Variants in TMTC2 observed in about 807,000 individuals in gnomAD.
TMTC2 encodes the protein protein O-mannosyl-transferase TMTC2.
Under a neutral mutation model 82.4 loss-of-function variants are expected in TMTC2, and 43 were observed. The ratio of observed to expected loss-of-function variants is 0.52; its 90% confidence interval spans 0.41 to 0.67. The LOEUF is 0.67. Among genes scored for constraint, TMTC2 ranks in the 30% least tolerant of loss-of-function variants. The pLI, the probability that TMTC2 is intolerant of heterozygous loss-of-function variation, is 0.00. For synonymous variants in TMTC2, 408 were observed against 381.9 expected (o/e 1.07, Z -0.80); for missense variants, 919 against 1,012.4 (o/e 0.91, Z 1.25).
chr12:82,830,942 C>T (rs1869713680), intron 1 of TMTC2, among the ~76,000 whole-genome samples: 2 of 151,954 alleles, frequency 1.3e-5, no homozygotes, highest in Admixed American at 1.3e-4. Flanking sequence ...GTAGATAGTC[C>T]ATATCAACTT....
At chr12:82,888,094 AAAT>A (rs1172526404) in intron 2 of TMTC2, among the ~76,000 whole-genome samples, 1 of 152,132 alleles carries the variant, frequency 6.6e-6, no homozygotes, top group Non-Finnish European at 1.5e-5. Flanking sequence ...AAATAAAATA[AAAT>A]AATAAAATAA....
intron 4 of TMTC2, among the ~76,000 whole-genome samples, chr12:82,943,723 G>A (rs1332817376): frequency 6.6e-6 from 1 of 152,094 alleles, no homozygotes; most frequent in African/African-American, 2.4e-5. Flanking sequence ...TATGTCTTTT[G>A]AGTATATTTA....
At chr12:82,860,956 G>C (rs960694651) in intron 2 of TMTC2, among the ~76,000 whole-genome samples, 4 of 152,158 alleles carry the variant, frequency 2.6e-5, no homozygotes, top group Non-Finnish European at 5.9e-5. Flanking sequence ...CCTGGGGTGA[G>C]TTAGAGGAGA....
At chr12:83,070,038 G>C (rs1488212561) in intron 11 of TMTC2, among the ~76,000 whole-genome samples, 1 of 152,078 alleles carries the variant, frequency 6.6e-6, no homozygotes, top group East Asian at 1.9e-4. Context: ...TGTTCCATTG[G>C]TGTGTGTGCC....
chr12:82,858,563 T>C (rs1279748996), intron 2 of TMTC2, among the ~76,000 whole-genome samples: 1 of 152,236 alleles, frequency 6.6e-6, no homozygotes, highest in Non-Finnish European at 1.5e-5. Flanking sequence ...CACCATCGAT[T>C]TCTAATTTTA....
intron 9 of TMTC2, among the ~76,000 whole-genome samples, chr12:83,047,843 T>G (rs1882199895): frequency 6.6e-6 from 1 of 152,224 alleles, no homozygotes; most frequent in Non-Finnish European, 1.5e-5. Context: ...TTAATTTGAT[T>G]TTACAAAATT....
intron 1 of TMTC2, among the ~76,000 whole-genome samples, chr12:82,797,032 C>T (rs888028694): frequency 5.3e-5 from 8 of 152,100 alleles, no homozygotes; most frequent in African/African-American, 1.9e-4. Flanking sequence ...TTGGTTCCTG[C>T]TGTGATTTAT....
chr12:83,050,688 CTTT>C (rs1381302205), intron 9 of TMTC2, among the ~76,000 whole-genome samples: 1 of 151,410 alleles, frequency 6.6e-6, no homozygotes, highest in Non-Finnish European at 1.5e-5. Context: ...TAGACGATTT[CTTT>C]TTAAGAAAAA....
At position 83,122,285 on chromosome 12, in the gene TMTC2, C is replaced by T. The variant is rs113996840; in HGVS notation, c.2332-9925C>T. Among the ~76,000 whole-genome samples the T allele has an allele frequency of 7.8e-3, 1,185 of 151,546 alleles. 19 individuals carry two copies. Among genetic ancestry groups the T allele is most frequent in the African/African-American group, 0.023 (956 of 41,292 alleles). The stretch of plus-strand genomic sequence containing the variant: ...GCAAGTGTCGCTTTCCTTCTTCCCC[C>T]GCCTGTGGAGTCTGCACACTAGATT... On this transcript the variant is annotated intron_variant, in intron 11 of 11. Transcript: ENST00000321196.
At chr12:83,083,587 C>T (rs560667093) in intron 11 of TMTC2, among the ~76,000 whole-genome samples, 133 of 152,208 alleles carry the variant, frequency 8.7e-4, no homozygotes, top group African/African-American at 3.1e-3. Context: ...CTTTCCCGAG[C>T]GCGTAGACTG....
At chr12:82,910,585 A>T (rs1275479390) in intron 3 of TMTC2, among the ~76,000 whole-genome samples, 5 of 152,208 alleles carry the variant, frequency 3.3e-5, no homozygotes, top group African/African-American at 4.8e-5. Context: ...GTATCAGAAG[A>T]ATCGGATTAC....
At chr12:83,046,536 G>A (rs1488169175) in intron 9 of TMTC2, among the ~76,000 whole-genome samples, 1 of 152,136 alleles carries the variant, frequency 6.6e-6, no homozygotes. Flanking sequence ...AGTCTAGACA[G>A]ACTCTCCAAA....
chr12:83,000,217 C>T (rs1295792550), intron 8 of TMTC2, among the ~76,000 whole-genome samples: 1 of 152,120 alleles, frequency 6.6e-6, no homozygotes, highest in Non-Finnish European at 1.5e-5. Flanking sequence ...TCACTGCAAC[C>T]TCCACCTCCC....
intron 1 of TMTC2, among the ~76,000 whole-genome samples, chr12:82,816,940 C>T (rs73358248): frequency 0.013 from 1,900 of 150,334 alleles, 41 homozygotes; most frequent in African/African-American, 0.044. Flanking sequence ...GAACAAAACT[C>T]GTAAGAGTCA....
At position 83,132,235 on chromosome 12, in the gene TMTC2, G is replaced by C. The variant is rs929019585; in HGVS notation, c.2357G>C (p.Gly786Ala). 1.2e-6 allele frequency: 2 copies of C among 1,612,274 alleles called. No individual in the cohort carries two copies. Among genetic ancestry groups the C allele is most frequent in the Middle Eastern group, 1.6e-4 (1 of 6,078 alleles). Residue 786 changes from glycine (G) to alanine (A), a missense_variant, in exon 12 of 12, where the codon GGA becomes GCA. Transcript: ENST00000321196. ...PNYPAALMNL[G>A]AILHLNGRLQ... ...TATCCGGCTGCTTTGATGAACCTGGGAGCCATTCTGCACCTCAATGGCAGA... is the reference window on the plus strand; with the variant it reads ...TATCCGGCTGCTTTGATGAACCTGGCAGCCATTCTGCACCTCAATGGCAGA...
At chr12:82,700,979 C>T (rs2136898527) in intron 1 of TMTC2, among the ~76,000 whole-genome samples, 1 of 152,186 alleles carries the variant, frequency 6.6e-6, no homozygotes, top group East Asian at 1.9e-4. Context: ...ACCATCAGAT[C>T]TCGTGAGACT....
chr12:82,690,630 G>A (rs1015191694), intron 1 of TMTC2, among the ~76,000 whole-genome samples: 3 of 152,088 alleles, frequency 2.0e-5, no homozygotes, highest in Non-Finnish European at 4.4e-5. Context: ...CCTCTGATGT[G>A]ATGAAACAAA....
intron 9 of TMTC2, among the ~76,000 whole-genome samples, chr12:83,049,833 T>C (rs1283799669): frequency 6.6e-6 from 1 of 152,192 alleles, no homozygotes; most frequent in Admixed American, 6.5e-5. Context: ...TGTTATTTTT[T>C]GACTTTTTAA....
At chr12:82,847,220 T>A (rs1228008539) in intron 1 of TMTC2, among the ~76,000 whole-genome samples, 7 of 152,206 alleles carry the variant, frequency 4.6e-5, no homozygotes, top group Admixed American at 4.6e-4. Context: ...GGCAAATGAG[T>A]GCCAAAGACA....
Sources: gnomAD v4.1 joint callset for allele counts (sites outside exome capture counted in the v4.1 genomes callset) on GRCh38, gnomAD v4.1.1 for gene constraint, MANE v1.5 for transcripts, NCBI Gene and HGNC (gene_info 2026-07-23, HGNC 2026-07-21) for gene names.